The following ANKRD66 variants were observed in gnomAD, a reference collection of about 807,000 sequenced individuals.
ANKRD66 encodes the protein ankyrin repeat domain-containing protein 66.
A neutral mutation model predicts 10.9 loss-of-function variants in ANKRD66; 10 were observed. The ratio of observed to expected loss-of-function variants is 0.91; its 90% confidence interval spans 0.56 to 1.55. The LOEUF is 1.55. ANKRD66 is among the 40% of genes most tolerant of loss of function. The pLI, the probability that ANKRD66 is intolerant of heterozygous loss-of-function variation, is 0.00. For missense variants in ANKRD66, 252 were observed against 242.9 expected, an observed-to-expected ratio of 1.04 and a Z score of -0.25; for synonymous variants, 85 against 88.4, an observed-to-expected ratio of 0.96 and a Z score of 0.22.
chr6:46,751,832 A>G (rs1270480102), intron 2 of ANKRD66, 105 bp from the exon 3 acceptor site: 1 of 1,201,516 alleles, frequency 8.3e-7, no homozygotes, highest in East Asian at 3.1e-5. Context: ...TGAGAGGCAA[A>G]TGCATGCGGC....
At chr6:46,749,551 C>CT (rs1766218816) in intron 1 of ANKRD66, among the ~76,000 whole-genome samples, 1 of 4,832 alleles carries the variant, frequency 2.1e-4, no homozygotes. Context: ...CTCTTTTATT[C>CT]CCCCCCCCCC....
intron 3 of ANKRD66, among the ~76,000 whole-genome samples, chr6:46,752,547 T>C (rs1339957872): frequency 6.6e-6 from 1 of 152,208 alleles, no homozygotes; most frequent in East Asian, 1.9e-4. Flanking sequence ...AGATGGAACA[T>C]TTTAATCCTG....
chr6:46,755,640 C>T (rs1358053686), intron 4 of ANKRD66, among the ~76,000 whole-genome samples: 1 of 152,210 alleles, frequency 6.6e-6, no homozygotes, highest in African/African-American at 2.4e-5. Context: ...TACGGTTTCT[C>T]CTGTATTTTT....
intron 1 of ANKRD66, among the ~76,000 whole-genome samples, chr6:46,748,786 CCT>C (rs2150725501): frequency 6.6e-6 from 1 of 152,314 alleles, no homozygotes; most frequent in South Asian, 2.1e-4. Context: ...CTTACTCCCT[CCT>C]CAGCTCTCCA....
intron 3 of ANKRD66, among the ~76,000 whole-genome samples, chr6:46,753,438 C>A (rs1288093783): frequency 6.6e-6 from 1 of 152,106 alleles, no homozygotes; most frequent in African/African-American, 2.4e-5. Flanking sequence ...GATTCCTGGG[C>A]AGGGCCTGTG....
At chr6:46,752,391 C>T (rs145019539) in intron 3 of ANKRD66, among the ~76,000 whole-genome samples, 2 of 152,114 alleles carry the variant, frequency 1.3e-5, no homozygotes, top group African/African-American at 2.4e-5. Flanking sequence ...TGTGCCACCA[C>T]GACTAGTGAA....
chr6:46,754,421 C>T (rs555282082), intron 4 of ANKRD66, among the ~76,000 whole-genome samples: 2 of 152,156 alleles, frequency 1.3e-5, no homozygotes, highest in African/African-American at 2.4e-5. Context: ...CCTATTTACA[C>T]ACACCAAAGA....
chr6:46,753,052 G>A (rs1362935), intron 3 of ANKRD66, among the ~76,000 whole-genome samples: 77,308 of 152,148 alleles, frequency 0.51, 21,962 homozygotes, highest in African/African-American at 0.76. Flanking sequence ...TCTAAGTACA[G>A]AGTGATGGTA....
At chr6:46,752,171 A>G in intron 3 of ANKRD66, 60 bp downstream of exon 3, 1 of 1,360,372 alleles carries the variant, frequency 7.4e-7, no homozygotes, top group Non-Finnish European at 9.5e-7. Context: ...TGAGGCTATC[A>G]ATCAGTAGGC....
At chr6:46,755,173 G>A (rs868592456) in intron 4 of ANKRD66, among the ~76,000 whole-genome samples, 16 of 152,006 alleles carry the variant, frequency 1.1e-4, no homozygotes, top group East Asian at 3.9e-4. Flanking sequence ...CTCTCTTCCC[G>A]CTATTCCTGC....
chr6:46,749,531 ATTTT>A (rs888614815), intron 1 of ANKRD66, among the ~76,000 whole-genome samples: 1 of 98,534 alleles, frequency 1.0e-5, no homozygotes, highest in African/African-American at 3.8e-5. Context: ...TCTTGGCATA[ATTTT>A]TTTTTCTCTT....
At chr6:46,753,157 T>G (rs925496088) in intron 3 of ANKRD66, among the ~76,000 whole-genome samples, 3 of 152,202 alleles carry the variant, frequency 2.0e-5, no homozygotes, top group Non-Finnish European at 4.4e-5. Flanking sequence ...TCTACAAGAA[T>G]TCAGTGATAT....
At chr6:46,750,935 AC>A (rs1198216565) in intron 2 of ANKRD66, among the ~76,000 whole-genome samples, 3 of 152,122 alleles carry the variant, frequency 2.0e-5, no homozygotes, top group Admixed American at 6.6e-5. Flanking sequence ...TGATTTTGTA[AC>A]ATTCTATCTT....
At chr6:46,749,868 A>T (rs1766230598) in intron 1 of ANKRD66, 28 bp from the exon 2 acceptor site, 1 of 1,542,006 alleles carries the variant, frequency 6.5e-7, no homozygotes, top group Non-Finnish European at 8.8e-7. Context: ...CATTTTAATT[A>T]CGTTTACTTT....
chr6:46,753,607 G>T, intron 3 of ANKRD66, 115 bp from the exon 4 acceptor site: 1 of 949,594 alleles, frequency 1.1e-6, no homozygotes, highest in East Asian at 2.7e-5. Flanking sequence ...GAAACTGGAG[G>T]CTCCTCAAAG....
intron 3 of ANKRD66, among the ~76,000 whole-genome samples, chr6:46,752,565 C>T (rs1043917992): frequency 1.3e-5 from 2 of 152,178 alleles, no homozygotes; most frequent in East Asian, 1.9e-4. Flanking sequence ...CTGATATCAC[C>T]GCTTACTAGT....
intron 3 of ANKRD66, among the ~76,000 whole-genome samples, chr6:46,752,797 T>C (rs1766298017): frequency 6.6e-6 from 1 of 152,190 alleles, no homozygotes; most frequent in Non-Finnish European, 1.5e-5. Flanking sequence ...CTTTGCTTCA[T>C]TCCTCATTGA....
At chr6:46,752,896 A>G (rs1245877537) in intron 3 of ANKRD66, among the ~76,000 whole-genome samples, 1 of 152,248 alleles carries the variant, frequency 6.6e-6, no homozygotes, top group African/African-American at 2.4e-5. Context: ...GCCTTTGGCA[A>G]TAGAAAGCCA....
At chr6:46,747,073 T>A in intron 1 of ANKRD66, 83 bp downstream of exon 1, 1 of 1,366,062 alleles carries the variant, frequency 7.3e-7, no homozygotes, top group Non-Finnish European at 1.0e-6. Context: ...ATTTATTGAC[T>A]ACTTTGCACT....
Sources: allele counts gnomAD v4.1 joint callset (sites outside exome capture counted in the v4.1 genomes callset), GRCh38; gene constraint gnomAD v4.1.1; transcripts MANE v1.5; gene names NCBI Gene and HGNC (gene_info 2026-07-23, HGNC 2026-07-21).